DOK6: variants seen among roughly 807,000 people sequenced by gnomAD.
DOK6 encodes docking protein 6.
A neutral mutation model predicts 44.0 loss-of-function variants in DOK6; 22 were observed. That is an observed-to-expected ratio of 0.50 (90% CI 0.36 to 0.71). The LOEUF is 0.71. Ranked by LOEUF, DOK6 falls within the 30% of genes least tolerant of loss-of-function variation. The pLI is 0.00. For synonymous variants in DOK6, 166 were observed against 145.5 expected (o/e 1.14, Z -1.01); for missense variants, 340 against 416.4 (o/e 0.82, Z 1.60).
intron 6 of DOK6, among the ~76,000 whole-genome samples, chr18:69,746,673 C>T (rs1210776707): frequency 6.6e-6 from 1 of 152,068 alleles, no homozygotes; most frequent in African/African-American, 2.4e-5. Flanking sequence ...TAAATATTAC[C>T]TTTTATTTGT....
intron 1 of DOK6, among the ~76,000 whole-genome samples, chr18:69,458,882 A>C (rs1257897718): frequency 2.0e-5 from 3 of 152,164 alleles, no homozygotes; most frequent in Non-Finnish European, 4.4e-5. Context: ...ACCTGAGGTC[A>C]GGAGTTCAAG....
chr18:69,689,638 CA>C (rs1348741086), intron 4 of DOK6, among the ~76,000 whole-genome samples: 1 of 152,042 alleles, frequency 6.6e-6, no homozygotes, highest in African/African-American at 2.4e-5. Context: ...TCCAGTGATT[CA>C]GATTTTAGTA....
chr18:69,593,501 A>G (rs1199403941), intron 2 of DOK6, among the ~76,000 whole-genome samples: 1 of 152,220 alleles, frequency 6.6e-6, no homozygotes, highest in Non-Finnish European at 1.5e-5. Flanking sequence ...TTGATCAACA[A>G]TGAAAAACCT....
At chr18:69,708,553 G>A (rs1411264211) in intron 5 of DOK6, among the ~76,000 whole-genome samples, 5 of 152,144 alleles carry the variant, frequency 3.3e-5, no homozygotes, top group Non-Finnish European at 7.3e-5. Context: ...TTGGGAGGCC[G>A]AGGCAGGGGG....
chr18:69,477,212 CT>C (rs1443113593), intron 1 of DOK6, among the ~76,000 whole-genome samples: 1 of 152,098 alleles, frequency 6.6e-6, no homozygotes, highest in Non-Finnish European at 1.5e-5. Flanking sequence ...CAACATTTAT[CT>C]TTTGGGGGAT....
chr18:69,478,650 T>A (rs114339158), intron 1 of DOK6, among the ~76,000 whole-genome samples: 165 of 152,312 alleles, frequency 1.1e-3, no homozygotes, highest in African/African-American at 3.9e-3. Context: ...GATTTTTTAT[T>A]GGAATAAGTT....
intron 7 of DOK6, among the ~76,000 whole-genome samples, chr18:69,807,931 C>A (rs1309606632): frequency 6.6e-6 from 1 of 151,746 alleles, no homozygotes; most frequent in African/African-American, 2.4e-5. Flanking sequence ...TTAAACTATA[C>A]CTTAGACCAA....
intron 3 of DOK6, among the ~76,000 whole-genome samples, chr18:69,629,163 G>A (rs1177737819): frequency 6.6e-6 from 1 of 152,228 alleles, no homozygotes; most frequent in African/African-American, 2.4e-5. Flanking sequence ...TGTTCTGAGA[G>A]AGTTCAGGCA....
intron 3 of DOK6, among the ~76,000 whole-genome samples, chr18:69,644,005 A>C (rs1287467274): frequency 6.6e-6 from 1 of 152,060 alleles, no homozygotes; most frequent in Non-Finnish European, 1.5e-5. Flanking sequence ...GTGATAAGTG[A>C]TTTTGAGCAT....
At position 69,848,152 on chromosome 18, in the gene DOK6, C is replaced by T. The variant is rs1982392838; in HGVS notation, c.*6769C>T. 6.6e-6 allele frequency: 1 copy of T among 151,920 alleles called. No individual in the cohort carries two copies. Among genetic ancestry groups the T allele is most frequent in the South Asian group, 2.1e-4 (1 of 4,834 alleles). The allele number at this position is 151,920 out of a possible 1,614,324, so 9.4% of individuals were successfully genotyped here. ...CAGAATTACCCCATCCTGCAAAATC[C>T]TTATCCCTATGAATCTCTAAAATAT... On this transcript the variant is annotated 3_prime_UTR_variant, in exon 8 of 8. Transcript: ENST00000382713.
At chr18:69,641,839 AC>A (rs947292844) in intron 3 of DOK6, among the ~76,000 whole-genome samples, 4 of 137,236 alleles carry the variant, frequency 2.9e-5, no homozygotes, top group Non-Finnish European at 4.9e-5. Context: ...AAACACACAC[AC>A]AAAAAAAGAT....
chr18:69,407,583 A>G (rs1388580723), intron 1 of DOK6, among the ~76,000 whole-genome samples: 1 of 152,228 alleles, frequency 6.6e-6, no homozygotes, highest in East Asian at 1.9e-4. Context: ...ATTTTAAGAT[A>G]CAGAGCAGTA....
intron 5 of DOK6, chr18:69,721,542 A>C (rs1416908951): frequency 4.6e-5 from 7 of 152,248 alleles, no homozygotes; most frequent in Non-Finnish European, 8.8e-5. Context: ...TATTTTCTTC[A>C]ATCACATTGT....
chr18:69,604,626 AT>A (rs1171218142), intron 3 of DOK6, among the ~76,000 whole-genome samples: 1 of 152,080 alleles, frequency 6.6e-6, no homozygotes, highest in Non-Finnish European at 1.5e-5. Flanking sequence ...TAAAGGCAAG[AT>A]TTTTTTTAAT....
At chr18:69,711,036 TC>T (rs1986743532) in intron 5 of DOK6, among the ~76,000 whole-genome samples, 1 of 152,150 alleles carries the variant, frequency 6.6e-6, no homozygotes, top group South Asian at 2.1e-4. Context: ...GGTCTACAGT[TC>T]CAGAGAAATA....
intron 1 of DOK6, among the ~76,000 whole-genome samples, chr18:69,459,065 C>A (rs11151506): frequency 0.28 from 40,440 of 144,156 alleles, 6,510 homozygotes; most frequent in African/African-American, 0.41. Context: ...CACTGCACTC[C>A]TGCCTGGGTG....
chr18:69,577,884 A>G (rs910529518), intron 2 of DOK6, among the ~76,000 whole-genome samples: 4 of 152,180 alleles, frequency 2.6e-5, no homozygotes, highest in Admixed American at 2.0e-4. Flanking sequence ...TCTATCGCCA[A>G]TAAGAATTAT....
At chr18:69,530,312 A>G (rs543881302) in intron 1 of DOK6, among the ~76,000 whole-genome samples, 7 of 152,256 alleles carry the variant, frequency 4.6e-5, no homozygotes, top group Non-Finnish European at 1.0e-4. Context: ...GGCAGACATT[A>G]GCTGCATCTT....
At chr18:69,619,496 T>G (rs986121593) in intron 3 of DOK6, among the ~76,000 whole-genome samples, 6 of 152,230 alleles carry the variant, frequency 3.9e-5, no homozygotes, top group African/African-American at 1.4e-4. Context: ...CCTTCGGCAC[T>G]ACATGCCTCT....
Sources: allele counts gnomAD v4.1 joint callset (sites outside exome capture counted in the v4.1 genomes callset), GRCh38; gene constraint gnomAD v4.1.1; transcripts MANE v1.5; gene names NCBI Gene and HGNC (gene_info 2026-07-23, HGNC 2026-07-21).